The following TAT variants were observed in gnomAD, a reference collection of about 807,000 sequenced individuals.
TAT encodes tyrosine aminotransferase, also known as L-tyrosine:2-oxoglutarate aminotransferase.
Under a neutral mutation model 53.6 loss-of-function variants are expected in TAT, and 35 were observed. That is an observed-to-expected ratio of 0.65 (90% CI 0.50 to 0.87). TAT has a LOEUF of 0.87. Ranked by LOEUF, TAT falls within the 40% of genes least tolerant of loss-of-function variation. The pLI is 0.00. For missense variants in TAT, 525 were observed against 571.8 expected (o/e 0.92, Z 0.83); for synonymous variants, 197 against 206.5 (o/e 0.95, Z 0.39).
Position 71,567,554 on chromosome 16 carries a change from CT to C in TAT, c.*589del, listed in dbSNP as rs1213251299. 5.9e-5 allele frequency: 9 copies of C among 152,670 alleles called. No individual in the cohort carries two copies. Among genetic ancestry groups the C allele is most frequent in the African/African-American group, 1.9e-4 (8 of 41,444 alleles). The allele number at this position is 152,670 out of a possible 1,614,324, so 9.5% of individuals were successfully genotyped here. A position where few individuals can be genotyped will look rare whatever the true frequency, so the allele number is the denominator to read the frequency against. On this transcript the variant is annotated 3_prime_UTR_variant, in exon 12 of 12. Coordinates refer to ENST00000355962, the MANE Select transcript of TAT (RefSeq NM_000353.3). ...TATTTATTTGCATCACAAAATAATT[CT>C]TTACTCCCCCCAAAAATCAATAAAA... is the stretch of plus-strand genomic sequence containing the variant.
At chr16:71,573,059 C>T (rs1229186304) in intron 4 of TAT, among the ~76,000 whole-genome samples, 2 of 152,188 alleles carry the variant, frequency 1.3e-5, no homozygotes, top group African/African-American at 2.4e-5. Flanking sequence ...TGACCCCACA[C>T]AGTAGACTAT....
intron 4 of TAT, 94 bp from the exon 5 acceptor site, chr16:71,572,782 A>G (rs1215107498): frequency 7.1e-7 from 1 of 1,401,574 alleles, no homozygotes; most frequent in Non-Finnish European, 1.0e-6. Context: ...GCAATTGTGA[A>G]CTTCCTTTAA....
At chr16:71,573,479 A>G in intron 4 of TAT, 60 bp downstream of exon 4, 1 of 1,457,126 alleles carries the variant, frequency 6.9e-7, no homozygotes, top group Non-Finnish European at 9.4e-7. Flanking sequence ...AACAGAAACA[A>G]GTAAAAAGGG....
At chr16:71,572,156 C>T (rs1221510469) in intron 6 of TAT, 30 bp downstream of exon 6, 8 of 1,613,982 alleles carry the variant, frequency 5.0e-6, no homozygotes, top group Admixed American at 1.7e-5. Context: ...CTGTCCCCAC[C>T]TCGTCCTCTG....
At chr16:71,571,310 T>G in intron 7 of TAT, among the ~76,000 whole-genome samples, 1 of 152,196 alleles carries the variant, frequency 6.6e-6, no homozygotes. Flanking sequence ...TTCTGCCATT[T>G]TCCCCACACT....
At position 71,572,278 on chromosome 16, in the gene TAT, A is replaced by T; in HGVS notation, c.614T>A (p.Ile205Asn). 1 of 1,614,232 alleles carries T rather than the reference A, an allele frequency of 6.2e-7. No individual in the cohort carries two copies. Among genetic ancestry groups the T allele is most frequent in the South Asian group, 1.1e-5 (1 of 91,092 alleles). ...EIDLKQLEYL[I>N]DEKTACLIVN... The stretch of plus-strand genomic sequence containing the variant: ...AATGAGACAAGCTGTCTTTTCATCA[A>T]TTAGATATTCCAGTTGTTTCAGGTC... Residue 205 changes from isoleucine (I) to asparagine (N), a missense_variant, in exon 6 of 12, where the codon ATT (isoleucine) becomes AAT (asparagine). Physicochemically the swap from Ile to Asn is moderately radical, Grantham distance 149 (BLOSUM62 -3). Transcript: ENST00000355962.
chr16:71,575,574 T>C (rs1023481249), intron 3 of TAT: 6 of 379,388 alleles, frequency 1.6e-5, no homozygotes, highest in African/African-American at 1.2e-4. Flanking sequence ...AGTAAATCCA[T>C]TTAGGACCTA....
intron 11 of TAT, 24 bp from the exon 12 acceptor site, chr16:71,568,308 T>C (rs2044178172): frequency 1.9e-6 from 3 of 1,613,554 alleles, no homozygotes; most frequent in Non-Finnish European, 2.5e-6. Flanking sequence ...AGTCTGTTAC[T>C]TTCAGAGCAA....
At chr16:71,571,995 G>A (rs899271217) in intron 6 of TAT, 191 bp downstream of exon 6, 3 of 695,576 alleles carry the variant, frequency 4.3e-6, no homozygotes, top group Non-Finnish European at 7.3e-6. Flanking sequence ...GAAGAGACAA[G>A]TATTTCTTCT....
Position 71,569,859 on chromosome 16 carries a change from G to A in TAT, c.1120C>T (p.Leu374Phe). The change falls in exon 10 of 12, where the codon CTC becomes TTC. Residue 374 changes from leucine (L) to phenylalanine (F), a missense_variant. By Grantham distance (22) the Leu-to-Phe change is conservative (BLOSUM62 0). Coordinates refer to ENST00000355962, the MANE Select transcript of TAT (RefSeq NM_000353.3). Reference protein sequence around the residue: ...RPVRPSGAMYLMVGIEMEHFP... With the variant: ...RPVRPSGAMYFMVGIEMEHFP... ...CCTGCCACCCACATACTCACCATGA[G>A]GTACATAGCCCCAGAAGGGCGGACT... 2 of 1,613,686 alleles carry A rather than the reference G, an allele frequency of 1.2e-6. No homozygotes were observed. Among genetic ancestry groups the A allele is most frequent in the East Asian group, 2.2e-5 (1 of 44,870 alleles).
In TAT at chr16:71,565,963, T is replaced by C. The variant is rs1450958522; in HGVS notation, c.*2181A>G. On this transcript the variant is annotated 3_prime_UTR_variant, in exon 12 of 12. Transcript: ENST00000355962. ...ATCAGGAATTTAAGAAGTCTAAGAA[T>C]TCTGTAATGCTGGGTAGAATTTTCT... is the stretch of plus-strand genomic sequence containing the variant. The C allele has an allele frequency of 6.6e-6, 1 of 152,186 alleles. No homozygotes were observed. Among genetic ancestry groups the C allele is most frequent in the Non-Finnish European group, 1.5e-5 (1 of 68,034 alleles). The allele number at this position is 152,186 out of a possible 1,614,324, so 9.4% of individuals were successfully genotyped here. A position where few individuals can be genotyped will look rare whatever the true frequency, so the allele number is the denominator to read the frequency against.
Position 71,570,678 on chromosome 16 carries a change from C to T in TAT, c.912+1G>A, listed in dbSNP as rs2044196815. The stretch of plus-strand genomic sequence containing the variant: ...CACATACTCTTTCACCATATTATCA[C>T]CTCATTGCCAAAAATGTCTCTTCGG... On this transcript the variant is annotated splice_donor_variant, in intron 8 of 11. Coordinates refer to ENST00000355962, the MANE Select transcript of TAT (RefSeq NM_000353.3). LOFTEE classifies it high-confidence loss of function. 2.5e-6 allele frequency: 4 copies of T among 1,614,104 alleles called. No homozygotes were observed. The highest frequency in any genetic ancestry group is 1.3e-5 in the African/African-American group (1 of 74,944).
At chr16:71,576,108 C>T in intron 2 of TAT, 73 bp downstream of exon 2, 1 of 1,608,312 alleles carries the variant, frequency 6.2e-7, no homozygotes, top group Non-Finnish European at 8.5e-7. Context: ...CAACTGCCAT[C>T]TTCTCCAACC....
intron 10 of TAT, 93 bp downstream of exon 10, chr16:71,569,761 T>C: frequency 8.1e-7 from 1 of 1,230,058 alleles, no homozygotes; most frequent in South Asian, 1.3e-5. Context: ...GTTGTCTTTG[T>C]ACCCTGCGTG....
chr16:71,575,899 A>G (rs746517260), intron 3 of TAT, 23 bp downstream of exon 3: 13 of 1,604,654 alleles, frequency 8.1e-6, no homozygotes, highest in Middle Eastern at 3.3e-4. Flanking sequence ...GTCACCAGGT[A>G]TGGAGTCTCA....
intron 9 of TAT, 118 bp downstream of exon 9, chr16:71,570,151 A>G: frequency 6.6e-7 from 1 of 1,523,418 alleles, no homozygotes; most frequent in Non-Finnish European, 9.0e-7. Flanking sequence ...GCTTACACCG[A>G]TGCCGTCTCC....
In TAT at chr16:71,568,086, C is replaced by T; in HGVS notation, c.*58G>A. ...GGCCACCTGAGTCCCTGAGGAGCCG[C>T]AAGGCCTAGTCCAGCCTTCCCTAGA... On this transcript the variant is annotated 3_prime_UTR_variant, in exon 12 of 12. Coordinates refer to ENST00000355962, the MANE Select transcript of TAT (RefSeq NM_000353.3). 6.2e-7 allele frequency: 1 copy of T among 1,610,688 alleles called. No individual in the cohort carries two copies. Among genetic ancestry groups the T allele is most frequent in the Non-Finnish European group, 8.5e-7 (1 of 1,177,224 alleles).
rs768910029 is a variant in TAT, at chr16:71,569,943, A to G, written c.1042-6T>C. On this transcript the variant is annotated splice_region_variant and splice_polypyrimidine_tract_variant and intron_variant, in intron 9 of 11. Coordinates refer to ENST00000355962, the MANE Select transcript of TAT (RefSeq NM_000353.3). ...TAACAGAGATCAGCATTGGACTACA[A>G]GAAGAGGCAAGGAGAAATCAAGGAT... The G allele has an allele frequency of 6.2e-7, 1 of 1,612,302 alleles. No homozygotes were observed. Among genetic ancestry groups the G allele is most frequent in the South Asian group, 1.1e-5 (1 of 90,602 alleles).
In TAT at chr16:71,573,518, G is replaced by A. The variant is rs73584881; in HGVS notation, c.408+21C>T. 224 of 1,550,492 alleles carry A rather than the reference G, an allele frequency of 1.4e-4. No individual in the cohort carries two copies. The African/African-American group carries it at 2.8e-3, about 19-fold the overall frequency. On this transcript the variant is annotated intron_variant, in intron 4 of 11. Coordinates refer to ENST00000355962, the MANE Select transcript of TAT (RefSeq NM_000353.3). ...GTTTGCCCTAAATTGCTTCAGAGCT[G>A]GTGTCTTGTATAAGGCTCACCTTAG...
Sources: allele counts gnomAD v4.1 joint callset (sites outside exome capture counted in the v4.1 genomes callset), GRCh38; gene constraint gnomAD v4.1.1; transcripts MANE v1.5; gene names NCBI Gene and HGNC (gene_info 2026-07-23, HGNC 2026-07-21).